The following DLG2 variants were observed in gnomAD, a reference collection of about 807,000 sequenced individuals.
DLG2 encodes the protein disks large homolog 2.
Under a neutral mutation model 132.5 loss-of-function variants are expected in DLG2, and 45 were observed. The observed-to-expected ratio is 0.34, with a 90% confidence interval of 0.27 to 0.44. The LOEUF (loss-of-function observed/expected upper bound fraction) is 0.44, where lower values mean the gene tolerates loss of function less well. Among genes scored for constraint, DLG2 ranks in the 20% least tolerant of loss-of-function variants. DLG2 has a pLI of 1.00. For synonymous variants in DLG2, 424 were observed against 419.6 expected (o/e 1.01, Z -0.13); for missense variants, 1,045 against 1,196.9 (o/e 0.87, Z 1.87).
chr11:83,931,712 T>C (rs546523901), intron 14 of DLG2, among the ~76,000 whole-genome samples: 3 of 152,378 alleles, frequency 2.0e-5, no homozygotes, highest in South Asian at 2.1e-4. Context: ...TTTATTTGAA[T>C]CTTTTGGGAA....
chr11:84,981,344 A>G (rs866554442), intron 6 of DLG2, among the ~76,000 whole-genome samples: 2 of 152,194 alleles, frequency 1.3e-5, no homozygotes, highest in Non-Finnish European at 2.9e-5. Context: ...CTTGAGGCTG[A>G]GAGTTATGAG....
intron 7 of DLG2, among the ~76,000 whole-genome samples, chr11:84,357,085 C>T (rs2098618576): frequency 6.6e-6 from 1 of 151,868 alleles, no homozygotes; most frequent in Non-Finnish European, 1.5e-5. Context: ...GATTTGGAGC[C>T]TCATGAGGAA....
At chr11:83,900,177 G>A (rs2073022802) in intron 15 of DLG2, among the ~76,000 whole-genome samples, 1 of 152,186 alleles carries the variant, frequency 6.6e-6, no homozygotes, top group African/African-American at 2.4e-5. Context: ...CATTCAACAG[G>A]TGACTTGGGT....
chr11:84,073,924 A>T (rs17146753), intron 10 of DLG2, among the ~76,000 whole-genome samples: 7,693 of 152,262 alleles, frequency 0.051, 622 homozygotes, highest in African/African-American at 0.17. Context: ...CAGGGAAAAT[A>T]CATATAATTT....
At chr11:85,178,489 T>A (rs2079477521) in intron 4 of DLG2, among the ~76,000 whole-genome samples, 1 of 151,950 alleles carries the variant, frequency 6.6e-6, no homozygotes, top group Non-Finnish European at 1.5e-5. Flanking sequence ...AAGAAAGTAT[T>A]ATACTAAAAC....
At chr11:85,043,828 G>A (rs1473667274) in intron 6 of DLG2, among the ~76,000 whole-genome samples, 1 of 151,866 alleles carries the variant, frequency 6.6e-6, no homozygotes, top group East Asian at 1.9e-4. Context: ...ACCCAAATAT[G>A]TGCTCAATCT....
At chr11:84,405,317 C>T (rs535076826) in intron 7 of DLG2, among the ~76,000 whole-genome samples, 1 of 152,318 alleles carries the variant, frequency 6.6e-6, no homozygotes, top group South Asian at 2.1e-4. Flanking sequence ...TGTCAATGAG[C>T]CCCTGGAAGA....
At chr11:83,598,541 T>C (rs2058012327) in intron 19 of DLG2, among the ~76,000 whole-genome samples, 1 of 152,204 alleles carries the variant, frequency 6.6e-6, no homozygotes, top group Non-Finnish European at 1.5e-5. Context: ...GTCCCAGCTT[T>C]AGGGTTGCTC....
intron 3 of DLG2, among the ~76,000 whole-genome samples, chr11:85,370,300 G>A (rs950024586): frequency 1.3e-5 from 2 of 152,156 alleles, no homozygotes; most frequent in African/African-American, 4.8e-5. Context: ...TTAGTAAAAG[G>A]TTATAAGAAG....
rs894318112 is a variant in DLG2 at position 85,142,754 on chromosome 11, T to C, written c.282+11802A>G. Among the ~76,000 whole-genome samples, 5 of 151,936 alleles carry C rather than the reference T, an allele frequency of 3.3e-5. No homozygotes were observed. The East Asian group carries it at 9.6e-4, about 29-fold the overall frequency. On this transcript the variant is annotated intron_variant, in intron 5 of 27. Transcript: ENST00000376104. ...TATGTTCCCTCTATGCCACATTTTT[T>C]AGCATTTTTGTCACGAAGAGATGTT...
chr11:85,389,008 G>A (rs1596786192), intron 3 of DLG2, among the ~76,000 whole-genome samples: 1 of 152,002 alleles, frequency 6.6e-6, no homozygotes, highest in Non-Finnish European at 1.5e-5. Flanking sequence ...TGAAGTTTCT[G>A]AATTGCCAAA....
intron 6 of DLG2, among the ~76,000 whole-genome samples, chr11:84,808,371 T>C (rs1453249492): frequency 6.6e-6 from 1 of 151,884 alleles, no homozygotes; most frequent in East Asian, 1.9e-4. Flanking sequence ...AATGTATATA[T>C]TCGAAAAGAT....
intron 7 of DLG2, among the ~76,000 whole-genome samples, chr11:84,410,339 C>T (rs941037650): frequency 6.6e-5 from 10 of 152,198 alleles, no homozygotes; most frequent in African/African-American, 2.4e-4. Flanking sequence ...CCCCACTCCC[C>T]ATGAGCATTT....
At chr11:83,572,162 A>G (rs1490901323) in intron 19 of DLG2, among the ~76,000 whole-genome samples, 1 of 152,108 alleles carries the variant, frequency 6.6e-6, no homozygotes, top group East Asian at 1.9e-4. Flanking sequence ...TATTTAAAAT[A>G]AAGAATCTTA....
chr11:84,799,479 T>C (rs753360276), intron 6 of DLG2, among the ~76,000 whole-genome samples: 14 of 152,194 alleles, frequency 9.2e-5, no homozygotes, highest in Non-Finnish European at 2.1e-4. Context: ...AAACCAGGTA[T>C]TGTGATTGCT....
chr11:84,323,783 G>A (rs2098417569), intron 7 of DLG2, among the ~76,000 whole-genome samples: 1 of 133,818 alleles, frequency 7.5e-6, no homozygotes, highest in Non-Finnish European at 1.5e-5. Context: ...ACCTCATTGT[G>A]ATTTAAATTC....
At chr11:85,564,408 C>T (rs904963419) in intron 3 of DLG2, among the ~76,000 whole-genome samples, 1 of 151,780 alleles carries the variant, frequency 6.6e-6, no homozygotes, top group African/African-American at 2.4e-5. Flanking sequence ...GTCTGTGATC[C>T]ATTTTGAGTT....
chr11:83,796,490 T>C (rs2042863377), intron 17 of DLG2, among the ~76,000 whole-genome samples: 1 of 152,220 alleles, frequency 6.6e-6, no homozygotes, highest in African/African-American at 2.4e-5. Context: ...CATATCATTC[T>C]CACCAAGTGA....
At position 83,631,958 on chromosome 11, in the gene DLG2, A is replaced by T. The variant is rs558263260; in HGVS notation, c.1940+1253T>A. The T allele has an allele frequency of 3.3e-5, 5 of 152,326 alleles. No homozygotes were observed. In the East Asian group the frequency reaches 9.6e-4, roughly 29 times the overall value. 9.4% of individuals were successfully genotyped at this position (152,326 alleles called of 1,614,324 possible). ...AACTTTCCATCATATTTGTAATGTC[A>T]CTACAAGACATGTTTTAGGGTGGTT... On this transcript the variant is annotated intron_variant, in intron 19 of 27. Coordinates refer to ENST00000376104, the MANE Select transcript of DLG2 (RefSeq NM_001142699.3).
Sources: allele counts gnomAD v4.1 joint callset (sites outside exome capture counted in the v4.1 genomes callset), GRCh38; gene constraint gnomAD v4.1.1; transcripts MANE v1.5; gene names NCBI Gene and HGNC (gene_info 2026-07-23, HGNC 2026-07-21).